The following SURF1 variants were observed in gnomAD, a reference collection of about 807,000 sequenced individuals.
SURF1 encodes surfeit locus protein 1.
A neutral mutation model predicts 34.1 loss-of-function variants in SURF1; 45 were observed. That is an observed-to-expected ratio of 1.32 (90% CI 1.04 to 1.69). The LOEUF is 1.69. SURF1 is among the 40% of genes most tolerant of loss of function. SURF1 has a pLI of 0.00. For missense variants in SURF1, 456 were observed against 384.6 expected (o/e 1.19, Z -1.55); for synonymous variants, 188 against 147.5 (o/e 1.27, Z -1.99).
rs1471248116 is a variant in SURF1 at position 133,351,844 on chromosome 9, C to T, written c.*69G>A. 4.6e-6 allele frequency: 7 copies of T among 1,515,994 alleles called. No individual in the cohort carries two copies. The African/African-American group carries it at 5.5e-5, about 12-fold the overall frequency. The allele number at this position is 1,515,994 out of a possible 1,614,324, so 93.9% of individuals were successfully genotyped here. ...AGGCCAGAACTTTATACCAGTAGCA[C>T]ATGATCCAGCATAAAGGCAGTCTTG... On this transcript the variant is annotated 3_prime_UTR_variant, in exon 9 of 9. Transcript: ENST00000371974.
chr9:133,353,027 G>A (rs962511991), intron 5 of SURF1, among the ~76,000 whole-genome samples: 1 of 152,100 alleles, frequency 6.6e-6, no homozygotes, highest in Non-Finnish European at 1.5e-5. Flanking sequence ...GCTTCTTGTG[G>A]TCTACCTACT....
chr9:133,352,947 C>T (rs1487900584), intron 5 of SURF1, among the ~76,000 whole-genome samples, 181 bp from the exon 6 acceptor site: 5 of 152,196 alleles, frequency 3.3e-5, no homozygotes, highest in Non-Finnish European at 4.4e-5. Flanking sequence ...GAGGCACCTT[C>T]GTGGTTGGTA....
In SURF1 at chr9:133,354,670, A is replaced by AT. The variant is rs2130017820; in HGVS notation, c.311_312insA (p.Leu105SerfsTer14). 937 of 1,612,968 alleles carry AT rather than the reference A, an allele frequency of 5.8e-4. No homozygotes were observed. Among genetic ancestry groups the AT allele is most frequent in the Non-Finnish European group, 7.7e-4 (906 of 1,180,028 alleles). Reference sequence around the variant, plus strand: ...AGCCATGCACTCACTCGGCTGGCAGAGGGACAGGCTCAGCCAGAACTCTGG... The same window carrying AT: ...AGCCATGCACTCACTCGGCTGGCAGATGGGACAGGCTCAGCCAGAACTCTGG... On this transcript the variant is annotated frameshift_variant, in exon 4 of 9. Coordinates refer to ENST00000371974, the MANE Select transcript of SURF1 (RefSeq NM_003172.4). LOFTEE classifies it high-confidence loss of function.
At position 133,354,210 on chromosome 9, in the gene SURF1, C is replaced by G. The variant is rs1836509463; in HGVS notation, c.324-270G>C. The G allele has an allele frequency of 9.0e-6, 5 of 554,078 alleles. No homozygotes were observed. The South Asian group carries it at 1.0e-4, about 11-fold the overall frequency. The allele number at this position is 554,078 out of a possible 1,614,324, so 34.3% of individuals were successfully genotyped here. ...TGTGGGCCAAAACCCCATCTGCAAG[C>G]CAAATCTGGCATACTGTTTGCTACC... On this transcript the variant is annotated intron_variant, in intron 4 of 8. Transcript: ENST00000371974.
rs1053850536 is a variant in SURF1, at chr9:133,352,122, G to A, written c.772C>T (p.Pro258Ser). ...GTAACTCTGGTTTGCCCTCCAATGG[G>A]TCCTCCAGGGACTGTGCTCTCTGTG... ...ANFQSTVPGG[P>S]IGGQTRVTLR... Residue 258 changes from proline to serine, a missense_variant, in exon 8 of 9, where the codon CCC becomes TCC. By Grantham distance (74) the Pro-to-Ser change is moderately conservative. Coordinates refer to ENST00000371974, the MANE Select transcript of SURF1 (RefSeq NM_003172.4). 6.2e-7 allele frequency: 1 copy of A among 1,605,014 alleles called. No homozygotes were observed. The highest frequency in any genetic ancestry group is 8.5e-7 in the Non-Finnish European group (1 of 1,175,358).
chr9:133,353,680 A>G, intron 5 of SURF1, 69 bp downstream of exon 5: 2 of 1,577,590 alleles, frequency 1.3e-6, no homozygotes, highest in Non-Finnish European at 1.7e-6. Context: ...TGTGAAGGAA[A>G]TAGTGATGTA....
chr9:133,352,068 C>CG lies in SURF1; in HGVS notation c.825dup (p.Val276ArgfsTer16). ...GGGCCGCTGGGGACTCACCAGGTCA[C>CG]GATGTACTGCAGATGCTCGTTCCTC... On this transcript the variant is annotated frameshift_variant, in exon 8 of 9. Coordinates refer to ENST00000371974, the MANE Select transcript of SURF1 (RefSeq NM_003172.4). LOFTEE classifies it high-confidence loss of function. The CG allele has an allele frequency of 6.2e-7, 1 of 1,611,650 alleles. No individual in the cohort carries two copies. The highest frequency in any genetic ancestry group is 8.5e-7 in the Non-Finnish European group (1 of 1,178,882).
intron 7 of SURF1, 32 bp from the exon 8 acceptor site, chr9:133,352,174 T>C: frequency 1.3e-6 from 2 of 1,563,708 alleles, no homozygotes; most frequent in Middle Eastern, 3.6e-4. Context: ...GTCCACCCCC[T>C]ACTGGCCTGC....
In SURF1 at chr9:133,352,772, G is replaced by A. The variant is rs2130010054; in HGVS notation, c.516-6C>T. 2.1e-5 allele frequency: 34 copies of A among 1,608,678 alleles called. No homozygotes were observed. The highest frequency in any genetic ancestry group is 2.7e-5 in the Non-Finnish European group (32 of 1,177,964). On this transcript the variant is annotated splice_region_variant and splice_polypyrimidine_tract_variant and intron_variant, in intron 5 of 8. Transcript: ENST00000371974. Reference sequence around the variant, plus strand: ...TATTTACCAGGATGGTGACTCTAGGGTAATGAAAGTGCTACTTCAGGTGGG... The same window carrying A: ...TATTTACCAGGATGGTGACTCTAGGATAATGAAAGTGCTACTTCAGGTGGG...
At chr9:133,356,238 C>A (rs1352146945) in intron 2 of SURF1, 31 bp downstream of exon 2, 12 of 1,533,668 alleles carry the variant, frequency 7.8e-6, no homozygotes, top group Non-Finnish European at 1.0e-5. Context: ...TGCCCAGGCG[C>A]CTGGATCACA....
At chr9:133,355,503 G>A (rs1322574638) in intron 2 of SURF1, among the ~76,000 whole-genome samples, 1 of 152,192 alleles carries the variant, frequency 6.6e-6, no homozygotes, top group Non-Finnish European at 1.5e-5. Context: ...GCTTGAACCT[G>A]GGAGGAGGTG....
In SURF1 at chr9:133,356,392, G is replaced by A. The variant is rs1836588449; in HGVS notation, c.54+8C>T. ...CCCCGCACCCCGCACCCCGCACCCG[G>A]CGCTCACCCGTCCCAGCCCCGCCGC... is the stretch of plus-strand genomic sequence containing the variant. On this transcript the variant is annotated splice_region_variant and intron_variant, in intron 1 of 8. Transcript: ENST00000371974. 1.5e-6 allele frequency: 2 copies of A among 1,319,000 alleles called. No homozygotes were observed. The highest frequency in any genetic ancestry group is 1.6e-5 in the African/African-American group (1 of 63,896). The allele number at this position is 1,319,000 out of a possible 1,614,324, so 81.7% of individuals were successfully genotyped here. A position where few individuals can be genotyped will look rare whatever the true frequency, so the allele number is the denominator to read the frequency against.
At chr9:133,352,285 C>T (rs1001967979) in intron 7 of SURF1, 143 bp from the exon 8 acceptor site, 8 of 1,389,988 alleles carry the variant, frequency 5.8e-6, no homozygotes, top group African/African-American at 2.8e-5. Context: ...CTTGTCCGCT[C>T]AGTACTTGCC....
chr9:133,351,764 C>T lies in SURF1; in HGVS notation c.*149G>A, dbSNP rs990588987. 2 of 948,160 alleles carry T rather than the reference C, an allele frequency of 2.1e-6. No homozygotes were observed. Among genetic ancestry groups the T allele is most frequent in the Middle Eastern group, 2.5e-4 (1 of 4,056 alleles). 58.7% of individuals were successfully genotyped at this position (948,160 alleles called of 1,614,324 possible). A position where few individuals can be genotyped will look rare whatever the true frequency, so the allele number is the denominator to read the frequency against. ...TCAAGTTTTGGGAAAGTTCTTTGGA[C>T]TGAAACCAAGCCAGGATTTTATGAT... On this transcript the variant is annotated 3_prime_UTR_variant, in exon 9 of 9. Coordinates refer to ENST00000371974, the MANE Select transcript of SURF1 (RefSeq NM_003172.4).
At chr9:133,352,295 C>T in intron 7 of SURF1, 151 bp downstream of exon 7, 1 of 1,424,532 alleles carries the variant, frequency 7.0e-7, no homozygotes, top group Non-Finnish European at 9.7e-7. Context: ...CAGTACTTGC[C>T]TAGGTTCTTT....
rs1312746026 is a variant in SURF1 at position 133,354,972 on chromosome 9, A to C, written c.107-15T>G. On this transcript the variant is annotated splice_polypyrimidine_tract_variant and intron_variant, in intron 2 of 8. Coordinates refer to ENST00000371974, the MANE Select transcript of SURF1 (RefSeq NM_003172.4). Reference sequence around the variant, plus strand: ...CCAGGCCACCCCTGGAGAGTTTCACAACACTGACATGGAGCCAGAAGCCCT... The same window carrying C: ...CCAGGCCACCCCTGGAGAGTTTCACCACACTGACATGGAGCCAGAAGCCCT... The C allele has an allele frequency of 1.2e-6, 2 of 1,612,634 alleles. No homozygotes were observed. The highest frequency in any genetic ancestry group is 1.7e-6 in the Non-Finnish European group (2 of 1,180,024).
At chr9:133,353,650 G>A (rs1836491876) in intron 5 of SURF1, 99 bp downstream of exon 5, 1 of 1,433,114 alleles carries the variant, frequency 7.0e-7, no homozygotes, top group South Asian at 1.2e-5. Context: ...GTTCCCCAGG[G>A]TCCTACCAAG....
chr9:133,353,963 G>A (rs2130015750), intron 4 of SURF1, 23 bp from the exon 5 acceptor site: 28 of 1,613,444 alleles, frequency 1.7e-5, no homozygotes, highest in Non-Finnish European at 2.2e-5. Flanking sequence ...AAGAACAGTG[G>A]CCGAGCAAGG....
chr9:133,352,377 TGAG>T, intron 7 of SURF1, 66 bp downstream of exon 7: 2 of 1,609,658 alleles, frequency 1.2e-6, no homozygotes, highest in Non-Finnish European at 1.7e-6. Context: ...GACTGGGCAA[TGAG>T]GGTTAGGAGG....
Sources: allele counts gnomAD v4.1 joint callset (sites outside exome capture counted in the v4.1 genomes callset), GRCh38; gene constraint gnomAD v4.1.1; transcripts MANE v1.5; gene names NCBI Gene and HGNC (gene_info 2026-07-23, HGNC 2026-07-21).